Variants in GPHB5 observed in about 807,000 individuals in gnomAD.
GPHB5 encodes glycoprotein hormone beta-5.
A neutral mutation model predicts 10.1 loss-of-function variants in GPHB5; 7 were observed. The observed-to-expected ratio is 0.69, with a 90% CI of 0.39 to 1.30. The LOEUF is 1.30. Among genes scored for constraint, GPHB5 ranks in the 50% most tolerant of loss-of-function variants. The pLI, the probability that GPHB5 is intolerant of heterozygous loss-of-function variation, is 0.01. For missense variants in GPHB5, 161 were observed against 169.8 expected, an observed-to-expected ratio of 0.95 and a Z score of 0.29; for synonymous variants, 68 against 70.1, an observed-to-expected ratio of 0.97 and a Z score of 0.15.
At chr14:63,313,194 A>C (rs1882703737) in intron 2 of GPHB5, 78 bp from the exon 3 acceptor site, 2 of 1,217,128 alleles carry the variant, frequency 1.6e-6, no homozygotes, top group Non-Finnish European at 2.3e-6. Context: ...ATTTATCACT[A>C]TCAGAAATTA....
At chr14:63,316,164 G>T (rs943886299) in intron 2 of GPHB5, among the ~76,000 whole-genome samples, 4 of 152,218 alleles carry the variant, frequency 2.6e-5, no homozygotes, top group African/African-American at 9.7e-5. Context: ...GCCCCTGAAT[G>T]AGGCAAAAGA....
Position 63,317,704 on chromosome 14 carries a change from C to G in GPHB5, c.146G>C (p.Gly49Ala). 1.9e-6 allele frequency: 3 copies of G among 1,614,030 alleles called. No individual in the cohort carries two copies. Among genetic ancestry groups the G allele is most frequent in the Non-Finnish European group, 2.5e-6 (3 of 1,179,898 alleles). Residue 49 changes from glycine (G) to alanine (A), a missense_variant, in exon 2 of 3, where the codon GGC (glycine) becomes GCC (alanine). Physicochemically the swap from Gly to Ala is moderately conservative, Grantham distance 60. Transcript: ENST00000621500. ...REFTFLAKKP[G>A]CRGLRITTDA... ...CGTGGTGATCCGAAGGCCCCTGCAGCCTGGCTTCTTGGCCAGGAAAGTAAA... is the reference window on the plus strand; with the variant it reads ...CGTGGTGATCCGAAGGCCCCTGCAGGCTGGCTTCTTGGCCAGGAAAGTAAA...
chr14:63,312,845 C>T lies in GPHB5; in HGVS notation c.*83G>A, dbSNP rs200776810. 21 of 1,315,590 alleles carry T rather than the reference C, an allele frequency of 1.6e-5. No individual in the cohort carries two copies. The highest frequency in any genetic ancestry group is 8.9e-5 in the African/African-American group (6 of 67,716). The allele number at this position is 1,315,590 out of a possible 1,614,324, so 81.5% of individuals were successfully genotyped here. A position where few individuals can be genotyped will look rare whatever the true frequency, so the allele number is the denominator to read the frequency against. On this transcript the variant is annotated 3_prime_UTR_variant, in exon 3 of 3. Transcript: ENST00000621500. ...AGGTAACCTCCTCCATGGGTGTGGT[C>T]GAAATTAAACAGTCTTGCATCCAGG...
intron 2 of GPHB5, among the ~76,000 whole-genome samples, chr14:63,317,046 A>T (rs964949581): frequency 6.6e-6 from 1 of 152,144 alleles, no homozygotes; most frequent in African/African-American, 2.4e-5. Flanking sequence ...TGTCTCTAAA[A>T]AGGCCAGGTA....
rs71120257 is a variant in GPHB5, at chr14:63,314,905, C to CTTT, written c.205-1792_205-1790dup. 1.2e-3 allele frequency among the ~76,000 whole-genome samples: 88 copies of CTTT among 75,338 alleles called. 3 individuals are homozygous for CTTT. The highest frequency in any genetic ancestry group is 1.5e-3 in the African/African-American group (25 of 17,032). 49.4% of individuals were successfully genotyped at this position (75,338 alleles called of 152,430 possible). A position where few individuals can be genotyped will look rare whatever the true frequency, so the allele number is the denominator to read the frequency against. On this transcript the variant is annotated intron_variant, in intron 2 of 2. Transcript: ENST00000621500. ...GCCTTACCTTTTTTTTTTCTTTTTT[C>CTTT]TTTTTTTTTTTTTTTTGAGATGGAG... is the stretch of plus-strand genomic sequence containing the variant.
chr14:63,317,583 T>G (rs898245825), intron 2 of GPHB5, 63 bp downstream of exon 2: 2 of 1,510,336 alleles, frequency 1.3e-6, no homozygotes, highest in Admixed American at 1.8e-5. Context: ...AGTGAACTCT[T>G]AAGAATCAGA....
At chr14:63,314,887 CTTTTTTTTTTCTTTTTTCT>C (rs1566640592) in intron 2 of GPHB5, among the ~76,000 whole-genome samples, 1 of 143,534 alleles carries the variant, frequency 7.0e-6, no homozygotes, top group African/African-American at 2.6e-5. Context: ...GCAGCCTTAC[CTTTTTTTTTTCTTTTTTCT>C]TTTTTTTTTT....
At chr14:63,316,402 G>C (rs1250838346) in intron 2 of GPHB5, among the ~76,000 whole-genome samples, 1 of 152,192 alleles carries the variant, frequency 6.6e-6, no homozygotes, top group Non-Finnish European at 1.5e-5. Context: ...GTCCATCCCA[G>C]TCAACCAACA....
At chr14:63,315,063 C>T (rs1035212780) in intron 2 of GPHB5, among the ~76,000 whole-genome samples, 2 of 151,846 alleles carry the variant, frequency 1.3e-5, no homozygotes, top group African/African-American at 2.4e-5. Flanking sequence ...CCACCATGCC[C>T]GGCTAATTTT....
At chr14:63,313,247 G>A (rs904408025) in intron 2 of GPHB5, 131 bp from the exon 3 acceptor site, 13 of 881,784 alleles carry the variant, frequency 1.5e-5, no homozygotes, top group Admixed American at 2.9e-5. Context: ...TCGTCTCCCA[G>A]TAGAAAACAA....
intron 1 of GPHB5, 104 bp from the exon 2 acceptor site, chr14:63,317,954 C>G (rs1050014737): frequency 1.3e-5 from 13 of 1,013,372 alleles, no homozygotes; most frequent in African/African-American, 3.2e-5. Context: ...TTGCTCCTAG[C>G]ATTTCAGGGA....
Position 63,317,757 on chromosome 14 carries a change from G to C in GPHB5, c.93C>G (p.Arg31=). 1 of 1,614,040 alleles carries C rather than the reference G, an allele frequency of 6.2e-7. No homozygotes were observed. The highest frequency in any genetic ancestry group is 8.5e-7 in the Non-Finnish European group (1 of 1,179,896). The change falls in exon 2 of 3, where the codon CGC becomes CGG. Residue 31 remains arginine (R), a synonymous_variant. Coordinates refer to ENST00000621500, the MANE Select transcript of GPHB5 (RefSeq NM_145171.4). ...CCCTCACGGCACAGCCCACAAAGGTGCGCAGGTTCCCACTGGAGGCACCGA... is the reference window on the plus strand; with the variant it reads ...CCCTCACGGCACAGCCCACAAAGGTCCGCAGGTTCCCACTGGAGGCACCGA... The part of the protein sequence containing the change: ...CVLGASSGNL[R]TFVGCAVREF...
intron 2 of GPHB5, among the ~76,000 whole-genome samples, chr14:63,315,846 G>C (rs972009146): frequency 3.3e-5 from 5 of 152,190 alleles, no homozygotes; most frequent in Admixed American, 2.6e-4. Flanking sequence ...TAACGGTTTT[G>C]GTGTTTCCAT....
intron 2 of GPHB5, among the ~76,000 whole-genome samples, chr14:63,313,449 T>TCA (rs1882709665): frequency 6.6e-6 from 1 of 152,178 alleles, no homozygotes; most frequent in Non-Finnish European, 1.5e-5. Context: ...CGGCCCTGAG[T>TCA]GATCCTGTTT....
chr14:63,317,839 G>A lies in GPHB5; in HGVS notation c.11C>T (p.Ala4Val). Reference protein sequence around the residue: MKLAFLFLGPMALL... With the variant: MKLVFLFLGPMALL... Reference sequence around the variant, plus strand: ...GGCCATGGGGCCAAGGAAGAGGAATGCCAGCTTCATGCTGCTCTTCCGGAG... The same window carrying A: ...GGCCATGGGGCCAAGGAAGAGGAATACCAGCTTCATGCTGCTCTTCCGGAG... The change falls in exon 2 of 3, where the codon GCA becomes GTA. Residue 4 changes from alanine (A) to valine (V), a missense_variant. Transcript: ENST00000621500. 1 of 1,614,004 alleles carries A rather than the reference G, an allele frequency of 6.2e-7. No homozygotes were observed. The highest frequency in any genetic ancestry group is 8.5e-7 in the Non-Finnish European group (1 of 1,179,848).
At chr14:63,316,079 A>G (rs1415095276) in intron 2 of GPHB5, among the ~76,000 whole-genome samples, 1 of 152,238 alleles carries the variant, frequency 6.6e-6, no homozygotes, top group Non-Finnish European at 1.5e-5. Flanking sequence ...CAAGTGCCCC[A>G]GGTGAATTTG....
At chr14:63,315,101 C>T (rs1882749879) in intron 2 of GPHB5, among the ~76,000 whole-genome samples, 1 of 151,696 alleles carries the variant, frequency 6.6e-6, no homozygotes, top group Non-Finnish European at 1.5e-5. Flanking sequence ...CAGGGTTTAA[C>T]TCACCTCTTT....
intron 2 of GPHB5, among the ~76,000 whole-genome samples, chr14:63,316,804 G>C (rs113471831): frequency 3.9e-4 from 60 of 152,350 alleles, no homozygotes; most frequent in African/African-American, 1.4e-3. Flanking sequence ...TATTGAATCT[G>C]TAGTAGTGTG....
At chr14:63,313,239 G>C in intron 2 of GPHB5, 123 bp from the exon 3 acceptor site, 1 of 939,988 alleles carries the variant, frequency 1.1e-6, no homozygotes, top group Non-Finnish European at 1.6e-6. Context: ...TTGCTCTGTC[G>C]TCTCCCAGTA....
Sources: allele counts gnomAD v4.1 joint callset (sites outside exome capture counted in the v4.1 genomes callset), GRCh38; gene constraint gnomAD v4.1.1; transcripts MANE v1.5; gene names NCBI Gene and HGNC (gene_info 2026-07-23, HGNC 2026-07-21).